LUZP2: variants seen among roughly 807,000 people sequenced by gnomAD.
LUZP2 encodes the protein leucine zipper protein 2.
In LUZP2, 52 loss-of-function variants were observed where a neutral mutation model predicts 51.6. That is an observed-to-expected ratio of 1.01 (90% confidence interval 0.81 to 1.27). The LOEUF (loss-of-function observed/expected upper bound fraction) is 1.27, where lower values mean the gene tolerates loss of function less well. Among genes scored for constraint, LUZP2 ranks in the 50% most tolerant of loss-of-function variants. LUZP2 has a pLI of 0.00. For missense variants in LUZP2, 436 were observed against 395.4 expected (o/e 1.10, Z -0.87); for synonymous variants, 154 against 137.3 (o/e 1.12, Z -0.85).
intron 9 of LUZP2, among the ~76,000 whole-genome samples, chr11:24,985,455 T>G (rs1291693386): frequency 6.6e-6 from 1 of 151,806 alleles, no homozygotes. Context: ...GGATCTGATC[T>G]GCATTTTGCG....
intron 9 of LUZP2, among the ~76,000 whole-genome samples, chr11:25,039,196 A>G (rs4923232): frequency 1 from 151,973 of 152,278 alleles, 75,834 homozygotes; most frequent in Middle Eastern, 1. Context: ...TTGGACCTGA[A>G]CTAGTGGCCA....
At chr11:24,527,278 G>A (rs964670466) in intron 1 of LUZP2, among the ~76,000 whole-genome samples, 8 of 151,180 alleles carry the variant, frequency 5.3e-5, no homozygotes, top group African/African-American at 1.9e-4. Context: ...GGCAATAGTG[G>A]GAACTTTTCT....
intron 10 of LUZP2, among the ~76,000 whole-genome samples, chr11:25,060,954 AT>A (rs1156693852): frequency 2.0e-5 from 3 of 151,962 alleles, no homozygotes; most frequent in African/African-American, 7.3e-5. Flanking sequence ...ATAGTAATCT[AT>A]TTTTTGTTGA....
At chr11:24,811,369 A>G (rs959631603) in intron 5 of LUZP2, among the ~76,000 whole-genome samples, 9 of 152,194 alleles carry the variant, frequency 5.9e-5, no homozygotes, top group Non-Finnish European at 1.5e-5. Context: ...CCTCTGAAAT[A>G]TAACATATCC....
At chr11:24,560,707 CT>C (rs1852012420) in intron 1 of LUZP2, among the ~76,000 whole-genome samples, 1 of 152,092 alleles carries the variant, frequency 6.6e-6, no homozygotes, top group South Asian at 2.1e-4. Context: ...AAAAGCTCTC[CT>C]ATGCGCTTCT....
intron 4 of LUZP2, among the ~76,000 whole-genome samples, chr11:24,748,687 G>C (rs1352298717): frequency 6.6e-6 from 1 of 152,070 alleles, no homozygotes; most frequent in African/African-American, 2.4e-5. Context: ...TTGATCTCTT[G>C]ACCTCATGAT....
At chr11:25,015,210 C>T (rs1441102791) in intron 9 of LUZP2, among the ~76,000 whole-genome samples, 1 of 152,058 alleles carries the variant, frequency 6.6e-6, no homozygotes. Context: ...ACATTATTAT[C>T]CTGTTTTAAA....
At chr11:24,779,472 C>A (rs1849027863) in intron 5 of LUZP2, among the ~76,000 whole-genome samples, 1 of 152,108 alleles carries the variant, frequency 6.6e-6, no homozygotes, top group South Asian at 2.1e-4. Flanking sequence ...TACTGACCAC[C>A]ACAGTTGGGA....
intron 7 of LUZP2, among the ~76,000 whole-genome samples, chr11:24,949,956 T>G (rs1229686830): frequency 8.8e-6 from 1 of 113,206 alleles, no homozygotes; most frequent in Non-Finnish European, 1.7e-5. Flanking sequence ...GCCCTTTTTC[T>G]TTCTTTCTTT....
intron 10 of LUZP2, among the ~76,000 whole-genome samples, chr11:25,058,886 T>G (rs1858758965): frequency 6.6e-6 from 1 of 152,218 alleles, no homozygotes; most frequent in Admixed American, 6.5e-5. Context: ...AACATTGTTC[T>G]GTAATAAATG....
At chr11:24,872,397 T>C (rs1852108340) in intron 5 of LUZP2, among the ~76,000 whole-genome samples, 1 of 152,176 alleles carries the variant, frequency 6.6e-6, no homozygotes, top group Non-Finnish European at 1.5e-5. Flanking sequence ...CTGTCTCAGC[T>C]GTATTACCTA....
At chr11:24,835,387 A>G (rs1377403948) in intron 5 of LUZP2, among the ~76,000 whole-genome samples, 1 of 152,200 alleles carries the variant, frequency 6.6e-6, no homozygotes, top group African/African-American at 2.4e-5. Flanking sequence ...ACCATTCAGG[A>G]CATAGGCATG....
At chr11:24,620,498 A>G (rs1460741519) in intron 1 of LUZP2, among the ~76,000 whole-genome samples, 1 of 152,172 alleles carries the variant, frequency 6.6e-6, no homozygotes, top group Non-Finnish European at 1.5e-5. Flanking sequence ...CCTGAAGATA[A>G]TTAGTAAGTT....
intron 1 of LUZP2, among the ~76,000 whole-genome samples, chr11:24,596,182 T>G (rs1412387747): frequency 2.0e-5 from 3 of 152,196 alleles, no homozygotes; most frequent in Non-Finnish European, 4.4e-5. Context: ...TTATATTTCT[T>G]GAAGCATCAA....
At chr11:24,549,607 G>T (rs1224156101) in intron 1 of LUZP2, among the ~76,000 whole-genome samples, 1 of 152,028 alleles carries the variant, frequency 6.6e-6, no homozygotes, top group Non-Finnish European at 1.5e-5. Context: ...ATTTACACCA[G>T]CATCACCACA....
chr11:24,694,433 C>T (rs995294349), intron 1 of LUZP2, among the ~76,000 whole-genome samples: 2 of 152,024 alleles, frequency 1.3e-5, no homozygotes, highest in Admixed American at 1.3e-4. Flanking sequence ...TTATTGTTTT[C>T]AATGATTTAT....
chr11:24,873,695 A>G (rs187568146), intron 5 of LUZP2, among the ~76,000 whole-genome samples: 1 of 152,242 alleles, frequency 6.6e-6, no homozygotes, highest in Non-Finnish European at 1.5e-5. Flanking sequence ...TATTTGGGAG[A>G]CAATTACAAG....
intron 1 of LUZP2, among the ~76,000 whole-genome samples, chr11:24,668,718 C>T (rs1290620942): frequency 6.6e-6 from 1 of 152,142 alleles, no homozygotes; most frequent in Non-Finnish European, 1.5e-5. Flanking sequence ...ATGTCTGTTA[C>T]ACTGCACGTC....
chr11:24,629,013 A>C (rs1854784334), intron 1 of LUZP2, among the ~76,000 whole-genome samples: 1 of 152,166 alleles, frequency 6.6e-6, no homozygotes, highest in Admixed American at 6.6e-5. Flanking sequence ...TAAAAAAGCA[A>C]TGTAATAAAC....
Sources: gnomAD v4.1 joint callset for allele counts (sites outside exome capture counted in the v4.1 genomes callset) on GRCh38, gnomAD v4.1.1 for gene constraint, MANE v1.5 for transcripts, NCBI Gene and HGNC (gene_info 2026-07-23, HGNC 2026-07-21) for gene names.